The following ACOXL variants were observed in gnomAD, a reference collection of about 807,000 sequenced individuals.
The protein encoded by ACOXL is acyl-CoA oxidase like.
In ACOXL, 70 loss-of-function variants were observed where a neutral mutation model predicts 71.9. The ratio of observed to expected loss-of-function variants is 0.97; its 90% CI spans 0.80 to 1.19. The LOEUF (loss-of-function observed/expected upper bound fraction) is 1.19, where lower values mean the gene tolerates loss of function less well. Among genes scored for constraint, ACOXL ranks in the 50% most tolerant of loss-of-function variants. The pLI is 0.00. For synonymous variants in ACOXL, 253 were observed against 281.6 expected (o/e 0.90, Z 1.02); for missense variants, 703 against 736.3 (o/e 0.95, Z 0.52).
At chr2:110,772,636 G>T (rs576916183) in intron 2 of ACOXL, among the ~76,000 whole-genome samples, 1 of 152,048 alleles carries the variant, frequency 6.6e-6, no homozygotes, top group Non-Finnish European at 1.5e-5. Context: ...GCCTACAACC[G>T]TTCTCTCTCT....
intron 14 of ACOXL, among the ~76,000 whole-genome samples, chr2:111,024,119 C>T (rs2064905800): frequency 6.6e-6 from 1 of 152,124 alleles, no homozygotes; most frequent in South Asian, 2.1e-4. Context: ...AATGAGAAGA[C>T]AGAGGTAGGC....
chr2:110,766,814 T>G (rs867967217), intron 1 of ACOXL, among the ~76,000 whole-genome samples: 1 of 152,186 alleles, frequency 6.6e-6, no homozygotes. Flanking sequence ...ACTCCACTAA[T>G]GCTACCCTGG....
intron 1 of ACOXL, among the ~76,000 whole-genome samples, chr2:110,748,356 G>A (rs937433100): frequency 6.6e-6 from 1 of 152,142 alleles, no homozygotes; most frequent in Non-Finnish European, 1.5e-5. Flanking sequence ...AGGATGCAGG[G>A]GGGTGGATTG....
At chr2:110,751,322 A>AT (rs1678934272) in intron 1 of ACOXL, among the ~76,000 whole-genome samples, 1 of 151,244 alleles carries the variant, frequency 6.6e-6, no homozygotes, top group African/African-American at 2.4e-5. Context: ...AAAAAAAAAA[A>AT]ATTTAGACAT....
At chr2:111,001,366 G>A (rs1370646126) in intron 14 of ACOXL, among the ~76,000 whole-genome samples, 3 of 150,562 alleles carry the variant, frequency 2.0e-5, no homozygotes, top group Non-Finnish European at 4.4e-5. Flanking sequence ...CTAAGCTTCT[G>A]CAATCAGGGA....
intron 12 of ACOXL, chr2:110,968,240 A>G (rs1171358167): frequency 9.3e-6 from 10 of 1,079,272 alleles, no homozygotes; most frequent in Non-Finnish European, 1.3e-5. Flanking sequence ...GAAAACATTG[A>G]TGGTCAGCCA....
At chr2:110,913,844 C>T (rs796124536) in intron 11 of ACOXL, among the ~76,000 whole-genome samples, 16 of 152,268 alleles carry the variant, frequency 1.1e-4, no homozygotes, top group African/African-American at 3.6e-4. Context: ...GTACCACACA[C>T]TTGAAACAAT....
In ACOXL at chr2:110,987,168, G is replaced by C. The variant is rs1277970817; in HGVS notation, c.1120G>C (p.Gly374Arg). 6.3e-7 allele frequency: 1 copy of C among 1,579,848 alleles called. No homozygotes were observed. The highest frequency in any genetic ancestry group is 1.3e-5 in the African/African-American group (1 of 74,442). The change falls in exon 13 of 18, where the codon GGC (glycine) becomes CGC (arginine). Residue 374 changes from glycine to arginine, a missense_variant. Physicochemically the swap from Gly to Arg is moderately radical, Grantham distance 125. Transcript: ENST00000439055. ...TKQYEEKPLF[G>R]LLQNWAESVG... is the part of the protein sequence containing the mutation. ...ACAGTATGAAGAAAAACCACTCTTTGGCCTGCTCCAAAACTGGGCTGAATC... is the reference window on the plus strand; with the variant it reads ...ACAGTATGAAGAAAAACCACTCTTTCGCCTGCTCCAAAACTGGGCTGAATC...
At chr2:110,910,058 C>T (rs908107238) in intron 11 of ACOXL, among the ~76,000 whole-genome samples, 2 of 152,106 alleles carry the variant, frequency 1.3e-5, no homozygotes, top group Non-Finnish European at 2.9e-5. Flanking sequence ...CGCACATATA[C>T]TCTTCTCGTG....
At chr2:110,944,199 C>G (rs2061007496) in intron 12 of ACOXL, among the ~76,000 whole-genome samples, 1 of 152,042 alleles carries the variant, frequency 6.6e-6, no homozygotes, top group African/African-American at 2.4e-5. Context: ...AAGTAGCTGG[C>G]ACGTACCACC....
intron 10 of ACOXL, among the ~76,000 whole-genome samples, chr2:110,904,516 C>T (rs1400345380): frequency 1.3e-5 from 2 of 152,186 alleles, no homozygotes; most frequent in East Asian, 3.9e-4. Flanking sequence ...GGCCTTCCCT[C>T]AGTGGGCTGA....
intron 10 of ACOXL, among the ~76,000 whole-genome samples, chr2:110,875,266 TGAAGAG>T (rs148396932): frequency 3.7e-4 from 56 of 152,342 alleles, no homozygotes; most frequent in African/African-American, 1.3e-3. Flanking sequence ...TCTTGACTCT[TGAAGAG>T]GGAAGGACCG....
intron 12 of ACOXL, among the ~76,000 whole-genome samples, chr2:110,956,689 CATAAG>C (rs1001263076): frequency 1.6e-4 from 24 of 152,302 alleles, no homozygotes; most frequent in African/African-American, 5.3e-4. Flanking sequence ...TCCTCTAACA[CATAAG>C]ATAAGATTGA....
intron 11 of ACOXL, among the ~76,000 whole-genome samples, chr2:110,931,038 A>C (rs1026795366): frequency 2.0e-4 from 30 of 152,234 alleles, no homozygotes; most frequent in African/African-American, 7.2e-4. Context: ...TCACCTATTA[A>C]ATAAACATGT....
At chr2:110,851,448 A>G (rs936626468) in intron 10 of ACOXL, among the ~76,000 whole-genome samples, 1 of 152,152 alleles carries the variant, frequency 6.6e-6, no homozygotes, top group Non-Finnish European at 1.5e-5. Context: ...TTGAGTTCAC[A>G]TTGAGCCACA....
intron 15 of ACOXL, among the ~76,000 whole-genome samples, chr2:111,044,344 C>T (rs1195430903): frequency 3.3e-5 from 5 of 152,332 alleles, no homozygotes; most frequent in Middle Eastern, 3.4e-3. Context: ...AGAAAAGAGG[C>T]TTAAGGTATT....
intron 2 of ACOXL, among the ~76,000 whole-genome samples, chr2:110,779,576 A>T (rs900961083): frequency 6.6e-6 from 1 of 152,238 alleles, no homozygotes; most frequent in African/African-American, 2.4e-5. Flanking sequence ...CAGCCCTTAT[A>T]TTATAAAGCT....
chr2:110,902,962 A>C (rs2059298390), intron 10 of ACOXL, among the ~76,000 whole-genome samples: 1 of 152,240 alleles, frequency 6.6e-6, no homozygotes, highest in South Asian at 2.1e-4. Flanking sequence ...GCCTGAGCCC[A>C]GGAAGGAACT....
chr2:110,842,101 CACAG>C (rs1691246137), intron 10 of ACOXL, among the ~76,000 whole-genome samples: 1 of 152,150 alleles, frequency 6.6e-6, no homozygotes, highest in African/African-American at 2.4e-5. Context: ...CTCAGCTGCC[CACAG>C]ACAACCTAAA....
Sources: gnomAD v4.1 joint callset for allele counts (sites outside exome capture counted in the v4.1 genomes callset) on GRCh38, gnomAD v4.1.1 for gene constraint, MANE v1.5 for transcripts, NCBI Gene and HGNC (gene_info 2026-07-23, HGNC 2026-07-21) for gene names.